Variants in NOS1AP observed in about 807,000 individuals in gnomAD.
The protein encoded by NOS1AP is nitric oxide synthase 1 adaptor protein, also known as carboxyl-terminal PDZ ligand of neuronal nitric oxide synthase protein.
In NOS1AP, 21 loss-of-function variants were observed where a neutral mutation model predicts 56.2. The ratio of observed to expected loss-of-function variants is 0.37; its 90% CI spans 0.26 to 0.54. The LOEUF is 0.54. Ranked by LOEUF, NOS1AP falls within the 20% of genes least tolerant of loss-of-function variation. The pLI, the probability that NOS1AP is intolerant of heterozygous loss-of-function variation, is 0.84. For missense variants in NOS1AP, 522 were observed against 657.8 expected (o/e 0.79, Z 2.26); for synonymous variants, 270 against 274.6 (o/e 0.98, Z 0.17).
intron 1 of NOS1AP, among the ~76,000 whole-genome samples, chr1:162,142,144 A>G (rs558978514): frequency 2.6e-5 from 4 of 152,356 alleles, no homozygotes; most frequent in South Asian, 4.2e-4. Context: ...GATAAGTGGA[A>G]CCAGGTATAA....
intron 4 of NOS1AP, among the ~76,000 whole-genome samples, chr1:162,327,585 A>G (rs1269755181): frequency 6.6e-6 from 1 of 152,220 alleles, no homozygotes; most frequent in African/African-American, 2.4e-5. Context: ...TAGTCCTAAA[A>G]AACCAGTTAC....
At chr1:162,309,979 G>A (rs977312422) in intron 4 of NOS1AP, among the ~76,000 whole-genome samples, 2 of 152,108 alleles carry the variant, frequency 1.3e-5, no homozygotes, top group Non-Finnish European at 2.9e-5. Flanking sequence ...TCACTGTATT[G>A]TTTTGTGGAG....
intron 2 of NOS1AP, among the ~76,000 whole-genome samples, chr1:162,239,716 G>T (rs1653421857): frequency 6.6e-6 from 1 of 152,172 alleles, no homozygotes; most frequent in African/African-American, 2.4e-5. Context: ...AGACAGATGG[G>T]CTAACAGAGG....
At chr1:162,136,049 A>G (rs1648985305) in intron 1 of NOS1AP, among the ~76,000 whole-genome samples, 1 of 152,196 alleles carries the variant, frequency 6.6e-6, no homozygotes, top group South Asian at 2.1e-4. Flanking sequence ...GCAAGTGAAA[A>G]CATTGAAATA....
intron 8 of NOS1AP, among the ~76,000 whole-genome samples, chr1:162,359,524 C>G (rs1011310666): frequency 1.3e-5 from 2 of 152,196 alleles, no homozygotes; most frequent in Admixed American, 6.5e-5. Flanking sequence ...AACTGACCTT[C>G]AGTTAGAGGT....
intron 1 of NOS1AP, among the ~76,000 whole-genome samples, chr1:162,111,254 A>T (rs1471940048): frequency 6.6e-6 from 1 of 152,190 alleles, no homozygotes; most frequent in Non-Finnish European, 1.5e-5. Flanking sequence ...GAAATTAAAG[A>T]TCCTATAGTT....
intron 2 of NOS1AP, among the ~76,000 whole-genome samples, chr1:162,272,847 T>C (rs1185281576): frequency 6.6e-6 from 1 of 152,220 alleles, no homozygotes; most frequent in East Asian, 1.9e-4. Context: ...TTCTATATCT[T>C]GAGCCCCAGA....
intron 2 of NOS1AP, among the ~76,000 whole-genome samples, chr1:162,189,666 G>A (rs1464678960): frequency 6.6e-6 from 1 of 151,884 alleles, no homozygotes. Context: ...CAGTAGACAG[G>A]GTAACATCAG....
At chr1:162,344,643 G>A (rs927024103) in intron 6 of NOS1AP, among the ~76,000 whole-genome samples, 6 of 151,478 alleles carry the variant, frequency 4.0e-5, no homozygotes, top group Non-Finnish European at 5.9e-5. Context: ...CTCAGGAGGC[G>A]GAAGTTGCAG....
intron 1 of NOS1AP, among the ~76,000 whole-genome samples, chr1:162,147,599 C>A (rs1381711637): frequency 1.3e-5 from 2 of 152,048 alleles, no homozygotes; most frequent in Non-Finnish European, 2.9e-5. Context: ...AGGGTGGAAG[C>A]CAGCAAGTGA....
intron 9 of NOS1AP, 53 bp downstream of exon 9, chr1:162,365,622 G>C (rs1658061687): frequency 6.3e-7 from 1 of 1,598,980 alleles, no homozygotes; most frequent in African/African-American, 1.3e-5. Flanking sequence ...TCTGGAAAGA[G>C]TGTCACTTTC....
chr1:162,303,273 G>A (rs1439498015), intron 4 of NOS1AP, among the ~76,000 whole-genome samples: 1 of 152,172 alleles, frequency 6.6e-6, no homozygotes, highest in Non-Finnish European at 1.5e-5. Flanking sequence ...GAAATTGCCA[G>A]ATTACTTTCT....
At chr1:162,099,010 T>C (rs1181977840) in intron 1 of NOS1AP, among the ~76,000 whole-genome samples, 1 of 152,150 alleles carries the variant, frequency 6.6e-6, no homozygotes, top group Non-Finnish European at 1.5e-5. Context: ...ATGATTTATA[T>C]CTCTTTGGGT....
chr1:162,072,102 A>G (rs981238064), intron 1 of NOS1AP, among the ~76,000 whole-genome samples: 1 of 152,058 alleles, frequency 6.6e-6, no homozygotes, highest in Non-Finnish European at 1.5e-5. Context: ...AGATAGATAG[A>G]TAGATAGATA....
chr1:162,092,916 CTTCTTTTA>C (rs1161768031), intron 1 of NOS1AP, among the ~76,000 whole-genome samples: 1 of 152,196 alleles, frequency 6.6e-6, no homozygotes. Context: ...TGTTTGGCTG[CTTCTTTTA>C]TTCTCATCTT....
At position 162,162,185 on chromosome 1, in the gene NOS1AP, C is replaced by T. The variant is rs376682189; in HGVS notation, c.177+7709C>T. Among the ~76,000 whole-genome samples, 8 of 152,280 alleles carry T rather than the reference C, an allele frequency of 5.3e-5. No individual in the cohort carries two copies. The East Asian group carries it at 9.6e-4, about 18-fold the overall frequency. On this transcript the variant is annotated intron_variant, in intron 2 of 9. Coordinates refer to ENST00000361897, the MANE Select transcript of NOS1AP (RefSeq NM_014697.3). ...AGCTGTGTTTGTCTACTTGTTTCTA[C>T]GTGTGTTGCCATCAAATAGTTCTTC...
In NOS1AP at chr1:162,367,102, C is replaced by T. The variant is rs777988777; in HGVS notation, c.1156C>T (p.Pro386Ser). 6.8e-6 allele frequency: 11 copies of T among 1,613,942 alleles called. No homozygotes were observed. Among genetic ancestry groups the T allele is most frequent in the Non-Finnish European group, 9.3e-6 (11 of 1,180,020 alleles). The change falls in exon 10 of 10, where the codon CCC becomes TCC. Residue 386 changes from proline to serine, a missense_variant. Physicochemically the swap from Pro to Ser is moderately conservative, Grantham distance 74. Around this residue, in one of 4 missense-constraint regions of NOS1AP, gnomAD observed 160 missense variants for 180.3 expected, o/e 0.89. Transcript: ENST00000361897. The surrounding 1 kb of genome is among the most constrained non-coding windows in gnomAD (Gnocchi z 6.5). ...LEITFRSGAL[P>S]VLCDPTTPKP... ...GATCACCTTCCGCTCCGGAGCCCTG[C>T]CCGTGCTCTGTGACCCCACGACCCC...
chr1:162,282,966 A>C (rs1654979150), intron 2 of NOS1AP, among the ~76,000 whole-genome samples: 1 of 152,136 alleles, frequency 6.6e-6, no homozygotes, highest in East Asian at 1.9e-4. Flanking sequence ...GTTAAGAATG[A>C]GGGAGACCTG....
At chr1:162,276,717 G>C (rs1654744674) in intron 2 of NOS1AP, among the ~76,000 whole-genome samples, 1 of 152,144 alleles carries the variant, frequency 6.6e-6, no homozygotes, top group Non-Finnish European at 1.5e-5. Context: ...ACTGACAGTA[G>C]ATAATTATTA....
Sources: allele counts gnomAD v4.1 joint callset (sites outside exome capture counted in the v4.1 genomes callset), GRCh38; gene constraint gnomAD v4.1.1; regional missense constraint gnomAD v4.1.1; non-coding constraint Gnocchi (gnomAD v3.1); transcripts MANE v1.5; gene names NCBI Gene and HGNC (gene_info 2026-07-23, HGNC 2026-07-21).